Variants in VPS13B observed in about 807,000 individuals in gnomAD.
VPS13B encodes intermembrane lipid transfer protein VPS13B.
In VPS13B, 285 loss-of-function variants were observed where a neutral mutation model predicts 426.4. The observed-to-expected ratio is 0.67, with a 90% CI of 0.61 to 0.74. The LOEUF (loss-of-function observed/expected upper bound fraction) is 0.74. Ranked by LOEUF, VPS13B falls within the 30% of genes least tolerant of loss-of-function variation. The pLI is 0.00. For synonymous variants in VPS13B, 1,676 were observed against 1,676.4 expected, an observed-to-expected ratio of 1.00 and a Z score of 0.01; for missense variants, 4,537 against 4,782.6, an observed-to-expected ratio of 0.95 and a Z score of 1.51.
chr8:99,367,842 CAG>C (rs1812974731), intron 19 of VPS13B, among the ~76,000 whole-genome samples: 1 of 152,004 alleles, frequency 6.6e-6, no homozygotes, highest in Admixed American at 6.6e-5. Flanking sequence ...TTAGTAGAGA[CAG>C]GGTTTCGCCA....
intron 16 of VPS13B, among the ~76,000 whole-genome samples, chr8:99,189,194 C>T (rs981242285): frequency 6.6e-6 from 1 of 152,210 alleles, no homozygotes; most frequent in Non-Finnish European, 1.5e-5. Flanking sequence ...CGTGATCCAC[C>T]TGCCTCGGCC....
chr8:99,382,390 G>A (rs1813861863), intron 19 of VPS13B, among the ~76,000 whole-genome samples: 1 of 152,176 alleles, frequency 6.6e-6, no homozygotes, highest in African/African-American at 2.4e-5. Flanking sequence ...GATAGGAACA[G>A]CATTGAATCT....
At chr8:99,334,545 T>G (rs1050952636) in intron 19 of VPS13B, among the ~76,000 whole-genome samples, 2 of 152,114 alleles carry the variant, frequency 1.3e-5, no homozygotes, top group Non-Finnish European at 2.9e-5. Flanking sequence ...CCTAATTTAT[T>G]GAGAGTTTTT....
intron 44 of VPS13B, among the ~76,000 whole-genome samples, chr8:99,813,896 G>A (rs2130799972): frequency 6.6e-6 from 1 of 152,320 alleles, no homozygotes; most frequent in Admixed American, 6.5e-5. Flanking sequence ...CACTTTGGGA[G>A]GCTGAGGCAG....
intron 19 of VPS13B, among the ~76,000 whole-genome samples, chr8:99,372,965 A>G (rs1012083227): frequency 6.6e-6 from 1 of 152,246 alleles, no homozygotes; most frequent in South Asian, 2.1e-4. Context: ...CCATATCCAC[A>G]GTGGAATACT....
chr8:99,847,329 G>A (rs922627864), intron 54 of VPS13B, among the ~76,000 whole-genome samples: 2 of 152,186 alleles, frequency 1.3e-5, no homozygotes, highest in Admixed American at 6.5e-5. Context: ...ATAAGTAACT[G>A]TAGTACAGAC....
At chr8:99,814,634 T>A (rs1358857708) in intron 44 of VPS13B, among the ~76,000 whole-genome samples, 3 of 152,180 alleles carry the variant, frequency 2.0e-5, no homozygotes, top group Non-Finnish European at 4.4e-5. Context: ...CCCTGATCGA[T>A]GGCAAAAGGA....
Position 99,424,891 on chromosome 8 carries a change from C to T in VPS13B, c.3083-6646C>T, listed in dbSNP as rs539622046. Among the ~76,000 whole-genome samples the T allele has an allele frequency of 6.6e-4, 101 of 152,172 alleles. 1 individual carries two copies. In the South Asian group the frequency reaches 9.8e-3, roughly 15 times the overall value. On this transcript the variant is annotated intron_variant, in intron 21 of 61. Coordinates refer to ENST00000357162, the MANE Select transcript of VPS13B (RefSeq NM_152564.5). Reference sequence around the variant, plus strand: ...AAAAATGACAAAGGGGTATCACCACCGATCCCACAGAAATACACACTACCA... The same window carrying T: ...AAAAATGACAAAGGGGTATCACCACTGATCCCACAGAAATACACACTACCA...
chr8:99,157,441 A>G (rs900808124), intron 15 of VPS13B, among the ~76,000 whole-genome samples: 1 of 152,128 alleles, frequency 6.6e-6, no homozygotes, highest in African/African-American at 2.4e-5. Context: ...GTGATCTGTC[A>G]TCACTGTTCT....
intron 36 of VPS13B, among the ~76,000 whole-genome samples, chr8:99,708,806 T>G (rs1832591506): frequency 2.0e-5 from 3 of 151,144 alleles, no homozygotes; most frequent in African/African-American, 7.3e-5. Context: ...TTTACCATAT[T>G]AATAGGTTCT....
intron 17 of VPS13B, among the ~76,000 whole-genome samples, chr8:99,263,471 C>G (rs1353853463): frequency 1.3e-5 from 2 of 152,198 alleles, no homozygotes; most frequent in Non-Finnish European, 2.9e-5. Flanking sequence ...GGGTCTCAGA[C>G]TAAAATCAAG....
chr8:99,316,538 C>T (rs559574057), intron 19 of VPS13B, among the ~76,000 whole-genome samples: 6 of 152,274 alleles, frequency 3.9e-5, no homozygotes, highest in Middle Eastern at 3.4e-3. Flanking sequence ...AAGGTTCTCT[C>T]TCTTCACTAG....
intron 17 of VPS13B, among the ~76,000 whole-genome samples, chr8:99,235,050 A>G (rs548349142): frequency 2.0e-5 from 3 of 152,328 alleles, no homozygotes; most frequent in Admixed American, 6.5e-5. Flanking sequence ...GAATTTTACA[A>G]GAGTGCTTTA....
intron 19 of VPS13B, among the ~76,000 whole-genome samples, chr8:99,358,184 A>G (rs1812293796): frequency 6.6e-6 from 1 of 152,212 alleles, no homozygotes; most frequent in African/African-American, 2.4e-5. Flanking sequence ...TTTTGACTGC[A>G]GCAGTTGGTT....
intron 33 of VPS13B, among the ~76,000 whole-genome samples, chr8:99,639,200 C>T (rs531300514): frequency 1.3e-5 from 2 of 152,256 alleles, no homozygotes; most frequent in African/African-American, 4.8e-5. Flanking sequence ...ATCTGTGTGA[C>T]TACAAAGCCT....
intron 21 of VPS13B, among the ~76,000 whole-genome samples, chr8:99,428,330 T>C: frequency 6.6e-6 from 1 of 152,052 alleles, no homozygotes; most frequent in Admixed American, 6.6e-5. Flanking sequence ...CAAAAGAAAC[T>C]ACCATCAGAG....
At chr8:99,558,106 A>G (rs1251027536) in intron 31 of VPS13B, among the ~76,000 whole-genome samples, 3 of 152,264 alleles carry the variant, frequency 2.0e-5, no homozygotes, top group Middle Eastern at 3.4e-3. Context: ...ATGTCTTGGC[A>G]ATAATAATAG....
At chr8:99,684,574 G>T (rs1034662397) in intron 35 of VPS13B, among the ~76,000 whole-genome samples, 1 of 152,150 alleles carries the variant, frequency 6.6e-6, no homozygotes, top group African/African-American at 2.4e-5. Context: ...CATTTTGGTA[G>T]TATTTTGAAT....
chr8:99,052,015 C>G (rs537491012), intron 3 of VPS13B, among the ~76,000 whole-genome samples: 4 of 151,810 alleles, frequency 2.6e-5, no homozygotes, highest in African/African-American at 7.2e-5. Flanking sequence ...AATTGAATAC[C>G]CTTTATTTCC....
Sources: gnomAD v4.1 joint callset for allele counts (sites outside exome capture counted in the v4.1 genomes callset) on GRCh38, gnomAD v4.1.1 for gene constraint, MANE v1.5 for transcripts, NCBI Gene and HGNC (gene_info 2026-07-23, HGNC 2026-07-21) for gene names.